LRRTM4: variants seen among roughly 807,000 people sequenced by gnomAD.
The protein encoded by LRRTM4 is leucine-rich repeat transmembrane neuronal protein 4.
A neutral mutation model predicts 47.6 loss-of-function variants in LRRTM4; 25 were observed. The observed-to-expected ratio is 0.53, with a 90% CI of 0.38 to 0.73. LRRTM4 has a LOEUF of 0.73. Among genes scored for constraint, LRRTM4 ranks in the 30% least tolerant of loss-of-function variants. The probability of loss-of-function intolerance (pLI) is 0.00; values close to 1 mark genes in which losing one functional copy is unlikely to be tolerated. For synonymous variants in LRRTM4, 311 were observed against 269.5 expected, an observed-to-expected ratio of 1.15 and a Z score of -1.51; for missense variants, 638 against 713.4, an observed-to-expected ratio of 0.89 and a Z score of 1.20.
chr2:77,478,301 A>G (rs537521150), intron 3 of LRRTM4, among the ~76,000 whole-genome samples: 1 of 152,328 alleles, frequency 6.6e-6, no homozygotes, highest in Non-Finnish European at 1.5e-5. Flanking sequence ...ATGTTATTTT[A>G]AAATTGGTAA....
At chr2:76,997,764 G>A (rs79373996) in intron 3 of LRRTM4, among the ~76,000 whole-genome samples, 1 of 152,244 alleles carries the variant, frequency 6.6e-6, no homozygotes, top group African/African-American at 2.4e-5. Flanking sequence ...AGCAGGAGGT[G>A]AGCACCGGCC....
intron 3 of LRRTM4, among the ~76,000 whole-genome samples, chr2:76,910,866 A>G (rs1237204707): frequency 6.6e-6 from 1 of 152,160 alleles, no homozygotes; most frequent in East Asian, 1.9e-4. Context: ...TTTTCTGACC[A>G]TTCTTGTGCA....
intron 3 of LRRTM4, among the ~76,000 whole-genome samples, chr2:77,131,797 C>G (rs1451127435): frequency 6.6e-6 from 1 of 152,098 alleles, no homozygotes; most frequent in Non-Finnish European, 1.5e-5. Flanking sequence ...GGAAGCATTC[C>G]TGAAGGACTG....
At chr2:77,390,563 C>T (rs1343354314) in intron 3 of LRRTM4, among the ~76,000 whole-genome samples, 1 of 151,752 alleles carries the variant, frequency 6.6e-6, no homozygotes. Context: ...AGCATCATTT[C>T]CCCTCTTAAC....
At chr2:77,173,181 T>C (rs1306651739) in intron 3 of LRRTM4, among the ~76,000 whole-genome samples, 1 of 152,206 alleles carries the variant, frequency 6.6e-6, no homozygotes, top group East Asian at 1.9e-4. Context: ...AGAATCCTAA[T>C]TGACCTTACA....
chr2:76,842,398 T>C (rs1195601408), intron 3 of LRRTM4, among the ~76,000 whole-genome samples: 1 of 152,188 alleles, frequency 6.6e-6, no homozygotes, highest in Non-Finnish European at 1.5e-5. Flanking sequence ...TTTTAATAAA[T>C]ATGTATGTCA....
At chr2:76,906,913 C>T (rs1260682075) in intron 3 of LRRTM4, among the ~76,000 whole-genome samples, 3 of 151,650 alleles carry the variant, frequency 2.0e-5, no homozygotes, top group African/African-American at 4.8e-5. Flanking sequence ...CTTTAACACC[C>T]CACTGTCAAC....
chr2:77,464,072 T>C (rs559352660), intron 3 of LRRTM4, among the ~76,000 whole-genome samples: 5 of 152,206 alleles, frequency 3.3e-5, no homozygotes, highest in African/African-American at 1.2e-4. Flanking sequence ...CTTGATGGAC[T>C]AGTAAGACCA....
chr2:77,013,990 G>T (rs912187063), intron 3 of LRRTM4, among the ~76,000 whole-genome samples: 1 of 152,112 alleles, frequency 6.6e-6, no homozygotes, highest in African/African-American at 2.4e-5. Flanking sequence ...GGAAAATAAA[G>T]TTCCTTTTTT....
chr2:77,478,494 A>C (rs1027931482), intron 3 of LRRTM4, among the ~76,000 whole-genome samples: 6 of 152,222 alleles, frequency 3.9e-5, no homozygotes, highest in African/African-American at 1.4e-4. Context: ...TAGCATTTTA[A>C]AAATTTCATT....
intron 3 of LRRTM4, among the ~76,000 whole-genome samples, chr2:77,417,111 C>T (rs1573385030): frequency 6.6e-6 from 1 of 152,100 alleles, no homozygotes; most frequent in Non-Finnish European, 1.5e-5. Context: ...CAAAAGAAGA[C>T]ATTTATGCAG....
intron 3 of LRRTM4, among the ~76,000 whole-genome samples, chr2:77,341,366 C>T (rs879463418): frequency 6.6e-6 from 1 of 151,800 alleles, no homozygotes; most frequent in Non-Finnish European, 1.5e-5. Context: ...GTATATACCC[C>T]CTCCATCATC....
At position 76,761,289 on chromosome 2, in the gene LRRTM4, T is replaced by C. The variant is rs548193254; in HGVS notation, c.1552-12373A>G. 2.0e-5 allele frequency among the ~76,000 whole-genome samples: 3 copies of C among 152,368 alleles called. No individual in the cohort carries two copies. In the South Asian group the frequency reaches 6.2e-4, roughly 32 times the overall value. On this transcript the variant is annotated intron_variant, in intron 3 of 3. Transcript: ENST00000409884. ...GAGCCTCCAACTAAACTTTCTTTTT[T>C]CTTAAGCTCATTACCACTAATTATT...
At chr2:77,417,453 T>C (rs961960856) in intron 3 of LRRTM4, among the ~76,000 whole-genome samples, 1 of 152,134 alleles carries the variant, frequency 6.6e-6, no homozygotes, top group Non-Finnish European at 1.5e-5. Context: ...GTATGTTTAT[T>C]GCGACACTAT....
At chr2:77,505,112 G>A (rs563675317) in intron 3 of LRRTM4, among the ~76,000 whole-genome samples, 12 of 150,708 alleles carry the variant, frequency 8.0e-5, no homozygotes, top group African/African-American at 1.7e-4. Context: ...TATAAATTAC[G>A]AATCAAAGTA....
At chr2:77,216,685 G>T (rs1301126443) in intron 3 of LRRTM4, among the ~76,000 whole-genome samples, 1 of 152,084 alleles carries the variant, frequency 6.6e-6, no homozygotes, top group Admixed American at 6.5e-5. Context: ...CAATAGAAAG[G>T]GTAACATGTG....
rs557983044 is a variant in LRRTM4, at chr2:76,796,029, T to C, written c.1552-47113A>G. On this transcript the variant is annotated intron_variant, in intron 3 of 3. Coordinates refer to ENST00000409884, the MANE Select transcript of LRRTM4 (RefSeq NM_001134745.3). ...AAGCGCAAGGGGTCACGGAGTTCCC[T>C]TTCTGAGTCAAAGAAAGGGGTGATG... is the stretch of plus-strand genomic sequence containing the variant. Among the ~76,000 whole-genome samples the C allele has an allele frequency of 5.6e-5, 7 of 124,404 alleles. No homozygotes were observed. The South Asian group carries it at 2.0e-3, about 35-fold the overall frequency. The allele number at this position is 124,404 out of a possible 152,430, so 81.6% of individuals were successfully genotyped here.
At position 76,891,346 on chromosome 2, in the gene LRRTM4, G is replaced by T. The variant is rs144875556; in HGVS notation, c.1552-142430C>A. Among the ~76,000 whole-genome samples the T allele has an allele frequency of 5.3e-5, 8 of 151,870 alleles. No homozygotes were observed. In the South Asian group the frequency reaches 1.2e-3, roughly 24 times the overall value. ...TATTGCTGGTCTGAAATAATATAGG[G>T]AATTTCAAAGTAAATAAAGGACTAG... is the stretch of plus-strand genomic sequence containing the variant. On this transcript the variant is annotated intron_variant, in intron 3 of 3. Coordinates refer to ENST00000409884, the MANE Select transcript of LRRTM4 (RefSeq NM_001134745.3).
chr2:76,989,504 T>C (rs1676926979), intron 3 of LRRTM4, among the ~76,000 whole-genome samples: 1 of 151,910 alleles, frequency 6.6e-6, no homozygotes, highest in South Asian at 2.1e-4. Flanking sequence ...AAGGATACTT[T>C]TGTTAGTATG....
Sources: allele counts gnomAD v4.1 joint callset (sites outside exome capture counted in the v4.1 genomes callset), GRCh38; gene constraint gnomAD v4.1.1; transcripts MANE v1.5; gene names NCBI Gene and HGNC (gene_info 2026-07-23, HGNC 2026-07-21).